CTNNA3: variants seen among roughly 807,000 people sequenced by gnomAD.
CTNNA3 encodes catenin alpha-3.
A neutral mutation model predicts 95.7 loss-of-function variants in CTNNA3; 76 were observed. The ratio of observed to expected loss-of-function variants is 0.79; its 90% CI spans 0.66 to 0.96. CTNNA3 has a LOEUF of 0.96. Among genes scored for constraint, CTNNA3 ranks in the 40% least tolerant of loss-of-function variants. The pLI is 0.00. For synonymous variants in CTNNA3, 431 were observed against 374.4 expected, an observed-to-expected ratio of 1.15 and a Z score of -1.74; for missense variants, 1,191 against 1,089.8, an observed-to-expected ratio of 1.09 and a Z score of -1.31.
chr10:67,317,037 T>C (rs1053997879), intron 5 of CTNNA3, among the ~76,000 whole-genome samples: 1 of 152,232 alleles, frequency 6.6e-6, no homozygotes, highest in South Asian at 2.1e-4. Flanking sequence ...CATTTCTTTA[T>C]GCTTAAAAGC....
At chr10:66,096,548 T>C (rs1472027591) in intron 14 of CTNNA3, among the ~76,000 whole-genome samples, 3 of 148,704 alleles carry the variant, frequency 2.0e-5, no homozygotes, top group Admixed American at 6.8e-5. Context: ...TTTTAGGCAG[T>C]CTCTCACTCT....
intron 7 of CTNNA3, among the ~76,000 whole-genome samples, chr10:66,914,219 C>T (rs1846370038): frequency 6.7e-6 from 1 of 150,134 alleles, no homozygotes; most frequent in Non-Finnish European, 1.5e-5. Flanking sequence ...CAAACTCTGC[C>T]TCCCAGGTTG....
intron 10 of CTNNA3, among the ~76,000 whole-genome samples, chr10:66,608,507 A>C (rs561218911): frequency 6.6e-6 from 1 of 152,304 alleles, no homozygotes; most frequent in African/African-American, 2.4e-5. Flanking sequence ...CTATGTAAAA[A>C]GAGTAAAGCT....
chr10:66,197,705 G>A (rs933936900), intron 13 of CTNNA3, among the ~76,000 whole-genome samples: 5 of 152,090 alleles, frequency 3.3e-5, no homozygotes, highest in African/African-American at 1.2e-4. Flanking sequence ...TCAAAAACAT[G>A]TCACAAAGAA....
chr10:66,347,872 C>G (rs11817843), intron 12 of CTNNA3, among the ~76,000 whole-genome samples: 1 of 151,570 alleles, frequency 6.6e-6, no homozygotes, highest in Non-Finnish European at 1.5e-5. Flanking sequence ...ATGCTCAGGA[C>G]GAGATAATCG....
chr10:66,976,161 G>T (rs575678469), intron 7 of CTNNA3, among the ~76,000 whole-genome samples: 60 of 152,028 alleles, frequency 3.9e-4, no homozygotes, highest in Non-Finnish European at 7.7e-4. Flanking sequence ...CTTGTGAGAA[G>T]GACTTTAAAA....
intron 1 of CTNNA3, among the ~76,000 whole-genome samples, chr10:67,759,885 C>T (rs936412959): frequency 2.0e-5 from 3 of 152,108 alleles, no homozygotes; most frequent in African/African-American, 4.8e-5. Context: ...TAGAAGAGGA[C>T]GCCAAACCTC....
At chr10:66,353,348 T>C (rs2092581625) in intron 12 of CTNNA3, among the ~76,000 whole-genome samples, 1 of 152,010 alleles carries the variant, frequency 6.6e-6, no homozygotes, top group Admixed American at 6.5e-5. Flanking sequence ...CAATTGTAAA[T>C]TCAGTAGGCT....
At chr10:66,000,764 T>C (rs1459465144) in intron 15 of CTNNA3, among the ~76,000 whole-genome samples, 2 of 152,154 alleles carry the variant, frequency 1.3e-5, no homozygotes. Flanking sequence ...ATAATAATCA[T>C]TAAGTTTATA....
chr10:67,014,652 A>C (rs1417076012), intron 7 of CTNNA3, among the ~76,000 whole-genome samples: 1 of 152,112 alleles, frequency 6.6e-6, no homozygotes, highest in Non-Finnish European at 1.5e-5. Context: ...GTAAGGCTGT[A>C]ATTTTTTAAA....
At chr10:67,046,576 T>C (rs1854757119) in intron 7 of CTNNA3, among the ~76,000 whole-genome samples, 1 of 152,184 alleles carries the variant, frequency 6.6e-6, no homozygotes, top group South Asian at 2.1e-4. Flanking sequence ...GAATCAATTA[T>C]TGACATTTTA....
intron 7 of CTNNA3, among the ~76,000 whole-genome samples, chr10:66,852,531 A>G (rs1564724442): frequency 6.6e-6 from 1 of 152,208 alleles, no homozygotes. Flanking sequence ...AAAAGGATAA[A>G]TATTGTTATT....
intron 2 of CTNNA3, among the ~76,000 whole-genome samples, chr10:67,639,358 T>C (rs1002303401): frequency 1.2e-4 from 19 of 152,172 alleles, no homozygotes; most frequent in African/African-American, 3.9e-4. Flanking sequence ...ATTGAGGCAA[T>C]AATTAATAGC....
chr10:66,635,184 C>T (rs1348285470), intron 9 of CTNNA3, among the ~76,000 whole-genome samples: 1 of 151,914 alleles, frequency 6.6e-6, no homozygotes, highest in African/African-American at 2.4e-5. Context: ...GTGTCACCTG[C>T]CTAGTAAATT....
intron 11 of CTNNA3, among the ~76,000 whole-genome samples, chr10:66,490,660 A>T (rs1246548628): frequency 6.6e-6 from 1 of 152,186 alleles, no homozygotes; most frequent in Non-Finnish European, 1.5e-5. Context: ...CAGTTCTCTC[A>T]GATGACATTT....
At chr10:65,953,844 A>G (rs1204640301) in intron 17 of CTNNA3, among the ~76,000 whole-genome samples, 7 of 152,170 alleles carry the variant, frequency 4.6e-5, no homozygotes, top group Non-Finnish European at 7.3e-5. Flanking sequence ...CACAATAAAC[A>G]TATGTGTGCA....
Position 67,652,950 on chromosome 10 carries a change from C to T in CTNNA3, c.-5-5432G>A, listed in dbSNP as rs190043683. On this transcript the variant is annotated intron_variant, in intron 1 of 17. Coordinates refer to ENST00000433211, the MANE Select transcript of CTNNA3 (RefSeq NM_013266.4). The stretch of plus-strand genomic sequence containing the variant: ...AGTTTCTGCCATTCTCTTTTATTTG[C>T]CTTCAGTCAGGTGTCCCTGTATTAA... Among the ~76,000 whole-genome samples, 331 of 152,308 alleles carry T rather than the reference C, an allele frequency of 2.2e-3. 3 individuals carry two copies. The highest frequency in any genetic ancestry group is 5.3e-3 in the Admixed American group (81 of 15,296).
chr10:67,524,729 T>C (rs1426262627), intron 4 of CTNNA3, among the ~76,000 whole-genome samples: 3 of 152,186 alleles, frequency 2.0e-5, no homozygotes, highest in South Asian at 4.1e-4. Context: ...GGTATAGCTC[T>C]GGCTTAGCTC....
chr10:66,884,084 G>T (rs1844947301), intron 7 of CTNNA3, among the ~76,000 whole-genome samples: 1 of 152,026 alleles, frequency 6.6e-6, no homozygotes, highest in African/African-American at 2.4e-5. Context: ...GAGAGAGGGG[G>T]AGGTGCCAGG....
Sources: allele counts gnomAD v4.1 joint callset (sites outside exome capture counted in the v4.1 genomes callset), GRCh38; gene constraint gnomAD v4.1.1; transcripts MANE v1.5; gene names NCBI Gene and HGNC (gene_info 2026-07-23, HGNC 2026-07-21).